CTNND2: variants seen among roughly 807,000 people sequenced by gnomAD.
The protein encoded by CTNND2 is catenin delta 2.
CTNND2 carries 22 observed loss-of-function variants against 144.4 expected under a neutral mutation model. The ratio of observed to expected loss-of-function variants is 0.15; its 90% CI spans 0.11 to 0.22. The LOEUF (loss-of-function observed/expected upper bound fraction) is 0.22. Ranked by LOEUF, CTNND2 falls within the 10% of genes least tolerant of loss-of-function variation. The pLI is 1.00. For missense variants in CTNND2, 1,353 were observed against 1,618.8 expected, an observed-to-expected ratio of 0.84 and a Z score of 2.82; for synonymous variants, 751 against 695.6, an observed-to-expected ratio of 1.08 and a Z score of -1.25.
intron 9 of CTNND2, among the ~76,000 whole-genome samples, chr5:11,239,660 G>A (rs992838155): frequency 8.5e-5 from 13 of 152,234 alleles, no homozygotes; most frequent in Non-Finnish European, 1.6e-4. Context: ...TGGAGGCCCT[G>A]CTGGGCTCGC....
At chr5:11,804,044 C>T (rs1791854426) in intron 1 of CTNND2, among the ~76,000 whole-genome samples, 1 of 152,156 alleles carries the variant, frequency 6.6e-6, no homozygotes, top group African/African-American at 2.4e-5. Flanking sequence ...AAAGTCTTCA[C>T]ATTTTGTGGG....
intron 1 of CTNND2, among the ~76,000 whole-genome samples, chr5:11,789,327 AAATTT>A (rs1385939293): frequency 6.6e-6 from 1 of 152,156 alleles, no homozygotes; most frequent in African/African-American, 2.4e-5. Context: ...GGAGAGCATT[AAATTT>A]GTTTATTAGG....
intron 1 of CTNND2, among the ~76,000 whole-genome samples, chr5:11,761,411 A>G (rs1244325443): frequency 6.6e-6 from 1 of 152,226 alleles, no homozygotes; most frequent in Non-Finnish European, 1.5e-5. Context: ...CAGCTTTGTG[A>G]ACTTTGAACA....
At chr5:11,641,444 GAT>G (rs35126010) in intron 2 of CTNND2, among the ~76,000 whole-genome samples, 13,566 of 133,798 alleles carry the variant, frequency 0.1, 1,266 homozygotes, top group African/African-American at 0.25. Flanking sequence ...GGAGTAAAAG[GAT>G]ATATATATAT....
chr5:11,799,619 T>C (rs1267048739), intron 1 of CTNND2, among the ~76,000 whole-genome samples: 1 of 152,224 alleles, frequency 6.6e-6, no homozygotes, highest in African/African-American at 2.4e-5. Flanking sequence ...TTAGCTGTTA[T>C]TACTACCATA....
chr5:11,469,542 C>CT (rs1454765413), intron 3 of CTNND2, among the ~76,000 whole-genome samples: 1 of 152,136 alleles, frequency 6.6e-6, no homozygotes, highest in Non-Finnish European at 1.5e-5. Context: ...GCTGACACTG[C>CT]TTGTTACAAA....
At chr5:11,121,614 A>C (rs538034291) in intron 12 of CTNND2, among the ~76,000 whole-genome samples, 1 of 152,314 alleles carries the variant, frequency 6.6e-6, no homozygotes, top group Admixed American at 6.5e-5. Context: ...TTAAAAGACC[A>C]ATCTATTTTT....
At chr5:11,507,721 C>T (rs1771199097) in intron 3 of CTNND2, among the ~76,000 whole-genome samples, 1 of 152,204 alleles carries the variant, frequency 6.6e-6, no homozygotes, top group African/African-American at 2.4e-5. Context: ...TCCTGTCCCA[C>T]AGCCTGGAGT....
chr5:11,512,128 A>G (rs1232138482), intron 3 of CTNND2, among the ~76,000 whole-genome samples: 1 of 152,174 alleles, frequency 6.6e-6, no homozygotes, highest in Non-Finnish European at 1.5e-5. Flanking sequence ...TGACCTACGC[A>G]GTCTCATTGG....
At chr5:11,538,392 T>C (rs6554630) in intron 3 of CTNND2, among the ~76,000 whole-genome samples, 134,407 of 152,204 alleles carry the variant, frequency 0.88, 59,555 homozygotes, top group African/African-American at 0.94. Context: ...GTAACCTGAA[T>C]TCATTCAACT....
At chr5:11,043,403 G>A (rs1321354560) in intron 16 of CTNND2, among the ~76,000 whole-genome samples, 1 of 151,960 alleles carries the variant, frequency 6.6e-6, no homozygotes, top group Admixed American at 6.6e-5. Context: ...GGCTTATGTC[G>A]TATGCATAAA....
intron 12 of CTNND2, among the ~76,000 whole-genome samples, chr5:11,133,895 C>T (rs1297347982): frequency 2.0e-5 from 3 of 152,192 alleles, no homozygotes; most frequent in Non-Finnish European, 4.4e-5. Context: ...CACTTTTCCC[C>T]TTCACTGTGG....
At chr5:11,769,466 G>A (rs566706403) in intron 1 of CTNND2, among the ~76,000 whole-genome samples, 1 of 152,232 alleles carries the variant, frequency 6.6e-6, no homozygotes, top group African/African-American at 2.4e-5. Flanking sequence ...AGCAATTCTC[G>A]TGATGTACTT....
intron 9 of CTNND2, among the ~76,000 whole-genome samples, chr5:11,260,702 A>C (rs527744906): frequency 6.6e-6 from 1 of 152,288 alleles, no homozygotes; most frequent in South Asian, 2.1e-4. Flanking sequence ...CAAAGGTCCC[A>C]CCTCTCAACA....
At chr5:11,176,517 T>A (rs969628747) in intron 11 of CTNND2, among the ~76,000 whole-genome samples, 1 of 152,184 alleles carries the variant, frequency 6.6e-6, no homozygotes, top group Admixed American at 6.5e-5. Flanking sequence ...ACCAAGTTTA[T>A]CCATTTTACT....
chr5:11,603,194 T>G (rs1056969044), intron 2 of CTNND2, among the ~76,000 whole-genome samples: 1 of 152,144 alleles, frequency 6.6e-6, no homozygotes, highest in Non-Finnish European at 1.5e-5. Flanking sequence ...GATAGAAGTA[T>G]AAATGCCATT....
chr5:11,792,244 C>G (rs1243703927), intron 1 of CTNND2, among the ~76,000 whole-genome samples: 2 of 152,058 alleles, frequency 1.3e-5, no homozygotes, highest in Admixed American at 1.3e-4. Flanking sequence ...CCCTCAAAAA[C>G]TGTTAGGCAA....
intron 6 of CTNND2, among the ~76,000 whole-genome samples, chr5:11,392,899 G>A: frequency 6.6e-6 from 1 of 152,118 alleles, no homozygotes. Context: ...AAGCAAATGG[G>A]AGTGAAGTCA....
intron 2 of CTNND2, among the ~76,000 whole-genome samples, chr5:11,731,258 T>C (rs1787371627): frequency 6.6e-6 from 1 of 152,194 alleles, no homozygotes; most frequent in Non-Finnish European, 1.5e-5. Context: ...CCTAAATCAG[T>C]TTCCACTCAT....
Sources: gnomAD v4.1 joint callset for allele counts (sites outside exome capture counted in the v4.1 genomes callset) on GRCh38, gnomAD v4.1.1 for gene constraint, MANE v1.5 for transcripts, NCBI Gene and HGNC (gene_info 2026-07-23, HGNC 2026-07-21) for gene names.